Variants in STK36 observed in about 807,000 individuals in gnomAD.
STK36 encodes serine/threonine-protein kinase 36.
In STK36, 116 loss-of-function variants were observed where a neutral mutation model predicts 142.2. The observed-to-expected ratio is 0.82, with a 90% CI of 0.70 to 0.95. The LOEUF is 0.95. Ranked by LOEUF, STK36 falls within the 40% of genes least tolerant of loss-of-function variation. STK36 has a pLI of 0.00. For synonymous variants in STK36, 619 were observed against 641.7 expected (o/e 0.96, Z 0.53); for missense variants, 1,422 against 1,617.2 (o/e 0.88, Z 2.07).
intron 14 of STK36, among the ~76,000 whole-genome samples, chr2:218,691,929 C>T (rs1222295868): frequency 1.3e-5 from 2 of 152,184 alleles, no homozygotes; most frequent in Non-Finnish European, 2.9e-5. Context: ...AGCATCTGAT[C>T]AGAGAATAGA....
At chr2:218,678,651 C>G (rs1940364497) in intron 6 of STK36, among the ~76,000 whole-genome samples, 1 of 152,328 alleles carries the variant, frequency 6.6e-6, no homozygotes, top group African/African-American at 2.4e-5. Flanking sequence ...CCCTATCTCT[C>G]CACCTCTGAA....
intron 10 of STK36, 81 bp downstream of exon 10, chr2:218,680,783 TC>T: frequency 3.3e-6 from 4 of 1,208,330 alleles, no homozygotes; most frequent in Non-Finnish European, 4.7e-6. Context: ...GAACAGTGAT[TC>T]CCAACTCCCT....
rs1372374389 is a variant in STK36 at position 218,693,901 on chromosome 2, G to A, written c.2254G>A (p.Val752Ile). Residue 752 changes from valine to isoleucine, a missense_variant, in exon 19 of 27, where the codon GTA becomes ATA. Physicochemically the swap from Val to Ile is conservative, Grantham distance 29. This residue lies in a region of STK36 where 962 missense variants were observed against 1,167.5 expected (regional missense o/e 0.82). Coordinates refer to ENST00000295709, the MANE Select transcript of STK36 (RefSeq NM_015690.5). Reference sequence around the variant, plus strand: ...TCTTAGGTTTCCTTTGTAGGTAAAAGTAGTAGATTGGGAAGAGTCTACTGA... The same window carrying A: ...TCTTAGGTTTCCTTTGTAGGTAAAAATAGTAGATTGGGAAGAGTCTACTGA... ...LFMLIQGKVK[V>I]VDWEESTEVT... 3.1e-6 allele frequency: 5 copies of A among 1,614,258 alleles called. No homozygotes were observed. Among genetic ancestry groups the A allele is most frequent in the Non-Finnish European group, 4.2e-6 (5 of 1,180,038 alleles).
At position 218,697,112 on chromosome 2, in the gene STK36, T is replaced by C; in HGVS notation, c.2660T>C (p.Met887Thr). 2 of 1,614,180 alleles carry C rather than the reference T, an allele frequency of 1.2e-6. No homozygotes were observed. The highest frequency in any genetic ancestry group is 1.7e-6 in the Non-Finnish European group (2 of 1,180,030). ...MWTVLWHRFS[M>T]VLRLPEEASA... is the part of the protein sequence containing the mutation. ...ACCGTTTTGTGGCACCGCTTCTCCA[T>C]GGTCCTGAGGCTCCCCGAGGAGGCA... Residue 887 changes from methionine to threonine, a missense_variant, in exon 23 of 27, where the codon ATG becomes ACG. This residue lies in a region of STK36 where 962 missense variants were observed against 1,167.5 expected (regional missense o/e 0.82). Transcript: ENST00000295709.
intron 4 of STK36, among the ~76,000 whole-genome samples, chr2:218,674,786 G>A (rs988791490): frequency 3.3e-5 from 5 of 152,060 alleles, no homozygotes; most frequent in African/African-American, 7.2e-5. Context: ...TTTTAGTAGA[G>A]ATGGGGTTTC....
intron 26 of STK36, among the ~76,000 whole-genome samples, chr2:218,700,789 A>G (rs56089859): frequency 4.6e-5 from 7 of 151,060 alleles, no homozygotes; most frequent in Non-Finnish European, 1.0e-4. Context: ...AGGTGGGCGG[A>G]TCACTTGAGG....
intron 4 of STK36, 114 bp from the exon 5 acceptor site, chr2:218,675,229 C>A: frequency 1.7e-6 from 2 of 1,176,856 alleles, no homozygotes; most frequent in Non-Finnish European, 2.4e-6. Flanking sequence ...TGAAGCTCTG[C>A]AAGAAAGGGA....
In STK36 at chr2:218,692,576, T is replaced by A. The variant is rs757662600; in HGVS notation, c.1916-7T>A. On this transcript the variant is annotated splice_polypyrimidine_tract_variant and splice_region_variant and intron_variant, in intron 15 of 26. Transcript: ENST00000295709. ...CCTTTGGAGTTACTCTTTGCTTTTCTCCACAGGAGCCCCGCAAGTGAGCCA... is the reference window on the plus strand; with the variant it reads ...CCTTTGGAGTTACTCTTTGCTTTTCACCACAGGAGCCCCGCAAGTGAGCCA... The A allele has an allele frequency of 4.2e-5, 67 of 1,608,796 alleles. 1 individual carries two copies. The East Asian group carries it at 1.4e-3, about 35-fold the overall frequency.
chr2:218,700,242 T>C (rs1297552319), intron 26 of STK36, among the ~76,000 whole-genome samples: 1 of 151,956 alleles, frequency 6.6e-6, no homozygotes, highest in African/African-American at 2.4e-5. Flanking sequence ...TATCACTCGT[T>C]GCCCAGGCCA....
At chr2:218,688,562 T>C (rs1322877065) in intron 11 of STK36, 135 bp from the exon 12 acceptor site, 15 of 994,122 alleles carry the variant, frequency 1.5e-5, no homozygotes, top group Non-Finnish European at 2.1e-5. Flanking sequence ...CTTCTCTGTG[T>C]TTTAGACTTG....
intron 10 of STK36, among the ~76,000 whole-genome samples, chr2:218,682,228 A>G (rs980084164): frequency 6.6e-6 from 1 of 152,140 alleles, no homozygotes; most frequent in Non-Finnish European, 1.5e-5. Context: ...CACCCAGCCT[A>G]TAACAACACT....
At chr2:218,672,477 G>C in intron 1 of STK36, 1 of 313,314 alleles carries the variant, frequency 3.2e-6, no homozygotes, top group Non-Finnish European at 6.1e-6. Context: ...AGCAGGGTTG[G>C]TTGGGCGAGG....
intron 12 of STK36, 47 bp downstream of exon 12, chr2:218,688,923 T>C (rs1940887321): frequency 6.6e-7 from 1 of 1,513,678 alleles, no homozygotes; most frequent in Non-Finnish European, 8.8e-7. Flanking sequence ...AGGTTCTTTT[T>C]CTTGGATTTA....
intron 6 of STK36, among the ~76,000 whole-genome samples, chr2:218,678,037 C>T (rs897674758): frequency 2.4e-4 from 36 of 152,184 alleles, no homozygotes; most frequent in African/African-American, 8.7e-4. Flanking sequence ...GCGATCTGCC[C>T]ACCTTGGCCT....
At chr2:218,690,937 G>A (rs1251023846) in intron 14 of STK36, among the ~76,000 whole-genome samples, 1 of 152,160 alleles carries the variant, frequency 6.6e-6, no homozygotes, top group African/African-American at 2.4e-5. Context: ...AGAATACATC[G>A]CAGTTTGCCA....
chr2:218,693,223 C>T lies in STK36; in HGVS notation c.2044-17C>T. ...AATCATGTGGATAGGATTGAGCCTT[C>T]AGGTATGTCTCTATAGGTCTGTTGG... On this transcript the variant is annotated splice_polypyrimidine_tract_variant and intron_variant, in intron 16 of 26. Transcript: ENST00000295709. 6.2e-7 allele frequency: 1 copy of T among 1,610,130 alleles called. No homozygotes were observed. The highest frequency in any genetic ancestry group is 8.5e-7 in the Non-Finnish European group (1 of 1,176,620).
chr2:218,678,801 G>C (rs1018237647), intron 6 of STK36, among the ~76,000 whole-genome samples: 1 of 152,216 alleles, frequency 6.6e-6, no homozygotes, highest in African/African-American at 2.4e-5. Flanking sequence ...GGAGGGCAGC[G>C]TGAATAGTTT....
At position 218,701,895 on chromosome 2, in the gene STK36, A is replaced by G. The variant is rs1479578989; in HGVS notation, c.3834A>G (p.Lys1278=). The G allele has an allele frequency of 6.2e-7, 1 of 1,613,932 alleles. No homozygotes were observed. Among genetic ancestry groups the G allele is most frequent in the African/African-American group, 1.3e-5 (1 of 74,898 alleles). ...QVLVSLGASE[K]LSLLSLGNQS... Reference sequence around the variant, plus strand: ...TGGTGTCCCTGGGTGCCAGTGAGAAACTATCCTTGCTCTCTCTGGGGAATC... The same window carrying G: ...TGGTGTCCCTGGGTGCCAGTGAGAAGCTATCCTTGCTCTCTCTGGGGAATC... Residue 1278 remains lysine, a synonymous_variant, in exon 27 of 27, where the codon AAA becomes AAG. Transcript: ENST00000295709.
In STK36 at chr2:218,679,690, T is replaced by C; in HGVS notation, c.909T>C (p.Thr303=). 1 of 1,614,100 alleles carries C rather than the reference T, an allele frequency of 6.2e-7. No individual in the cohort carries two copies. Among genetic ancestry groups the C allele is most frequent in the Non-Finnish European group, 8.5e-7 (1 of 1,180,040 alleles). Residue 303 remains threonine (T), a synonymous_variant, in exon 8 of 27, where the codon ACT becomes ACC. Transcript: ENST00000295709. The part of the protein sequence containing the change: ...APKGNQSRIL[T]QAYKRMAEEA... ...AGGGTAATCAGTCTCGCATCTTGAC[T>C]CAGGCCTATAAACGCATGGCTGAGG...
Sources: gnomAD v4.1 joint callset for allele counts (sites outside exome capture counted in the v4.1 genomes callset) on GRCh38, gnomAD v4.1.1 for gene constraint, gnomAD v4.1.1 regional missense constraint, MANE v1.5 for transcripts, NCBI Gene and HGNC (gene_info 2026-07-23, HGNC 2026-07-21) for gene names.